Variants in KCNMB4 observed in about 807,000 individuals in gnomAD.
KCNMB4 encodes the protein potassium calcium-activated channel subfamily M regulatory beta subunit 4.
A neutral mutation model predicts 20.7 loss-of-function variants in KCNMB4; 3 were observed. That is an observed-to-expected ratio of 0.14 (90% CI 0.07 to 0.37). The LOEUF is 0.37. Among genes scored for constraint, KCNMB4 ranks in the 10% least tolerant of loss-of-function variants. The pLI, the probability that KCNMB4 is intolerant of heterozygous loss-of-function variation, is 1.00. For synonymous variants in KCNMB4, 110 were observed against 113.4 expected, an observed-to-expected ratio of 0.97 and a Z score of 0.19; for missense variants, 168 against 265.9, an observed-to-expected ratio of 0.63 and a Z score of 2.56.
At chr12:70,411,350 C>G (rs1409120817) in intron 2 of KCNMB4, among the ~76,000 whole-genome samples, 2 of 152,018 alleles carry the variant, frequency 1.3e-5, no homozygotes, top group African/African-American at 4.8e-5. Flanking sequence ...ACTGAGTCAT[C>G]AAAAAAGGTT....
At chr12:70,423,376 T>G (rs1398193520) in intron 2 of KCNMB4, among the ~76,000 whole-genome samples, 3 of 152,220 alleles carry the variant, frequency 2.0e-5, no homozygotes, top group Non-Finnish European at 4.4e-5. Context: ...GTTTATAACA[T>G]TCATACATCT....
rs1593340884 is a variant in KCNMB4, at chr12:70,408,794, A to G, written c.464+8458A>G. Among the ~76,000 whole-genome samples the G allele has an allele frequency of 2.6e-5, 4 of 152,198 alleles. No homozygotes were observed. In the South Asian group the frequency reaches 8.3e-4, roughly 32 times the overall value. ...TGTTTTTACACTTTTTTATTCAGGTAAGTTCACAATTCTCCCTATATCATG... is the reference window on the plus strand; with the variant it reads ...TGTTTTTACACTTTTTTATTCAGGTGAGTTCACAATTCTCCCTATATCATG... On this transcript the variant is annotated intron_variant, in intron 2 of 2. Transcript: ENST00000258111.
At chr12:70,392,327 A>G (rs1868306504) in intron 1 of KCNMB4, among the ~76,000 whole-genome samples, 1 of 152,192 alleles carries the variant, frequency 6.6e-6, no homozygotes. Context: ...AGGAAATAAC[A>G]GATGCTGGAG....
At chr12:70,371,235 C>T (rs1466046385) in intron 1 of KCNMB4, among the ~76,000 whole-genome samples, 5 of 152,110 alleles carry the variant, frequency 3.3e-5, no homozygotes, top group South Asian at 2.1e-4. Flanking sequence ...ATAAAAGGCT[C>T]CTTCTAAGAA....
At chr12:70,411,391 G>A (rs190594094) in intron 2 of KCNMB4, among the ~76,000 whole-genome samples, 2 of 152,192 alleles carry the variant, frequency 1.3e-5, no homozygotes, top group East Asian at 3.9e-4. Flanking sequence ...TCCTTAAAAG[G>A]CAAAGAAATG....
chr12:70,427,371 AACTG>A (rs1207014177), intron 2 of KCNMB4, among the ~76,000 whole-genome samples: 7 of 152,218 alleles, frequency 4.6e-5, no homozygotes, highest in Non-Finnish European at 1.0e-4. Context: ...TAAATCAAAA[AACTG>A]AATGATAAGC....
intron 1 of KCNMB4, among the ~76,000 whole-genome samples, chr12:70,395,764 C>T (rs1868345722): frequency 6.6e-6 from 1 of 152,064 alleles, no homozygotes; most frequent in South Asian, 2.1e-4. Flanking sequence ...TTATTTCATC[C>T]AAGTTCAGGC....
intron 1 of KCNMB4, among the ~76,000 whole-genome samples, chr12:70,374,838 CTA>C (rs1179745402): frequency 6.6e-6 from 1 of 151,586 alleles, no homozygotes; most frequent in Non-Finnish European, 1.5e-5. Context: ...TTTAATCTAA[CTA>C]TATTGCAGCA....
At chr12:70,398,486 G>A (rs1002777379) in intron 1 of KCNMB4, among the ~76,000 whole-genome samples, 5 of 151,972 alleles carry the variant, frequency 3.3e-5, no homozygotes, top group East Asian at 1.9e-4. Flanking sequence ...TTTTAGCTTC[G>A]TATTATTGTT....
chr12:70,389,854 C>A lies in KCNMB4; in HGVS notation c.337-10355C>A, dbSNP rs187766514. ...TGCCTTCCTCTTTCTTAATTTATTT[C>A]TTTGTTTTGTTGGAGTACATCCTCA... On this transcript the variant is annotated intron_variant, in intron 1 of 2. Coordinates refer to ENST00000258111, the MANE Select transcript of KCNMB4 (RefSeq NM_014505.6). Among the ~76,000 whole-genome samples, 126 of 152,186 alleles carry A rather than the reference C, an allele frequency of 8.3e-4. 1 individual carries two copies. The highest frequency in any genetic ancestry group is 1.2e-3 in the Non-Finnish European group (84 of 68,002).
chr12:70,421,470 GAAAAAAAA>G (rs61303899), intron 2 of KCNMB4, among the ~76,000 whole-genome samples: 18 of 75,672 alleles, frequency 2.4e-4, no homozygotes, highest in East Asian at 1.1e-3. Flanking sequence ...TCTCAAAAAA[GAAAAAAAA>G]AAAAAAAAAA....
chr12:70,385,207 T>C (rs1868248240), intron 1 of KCNMB4, among the ~76,000 whole-genome samples: 1 of 152,198 alleles, frequency 6.6e-6, no homozygotes, highest in African/African-American at 2.4e-5. Flanking sequence ...GTATCTGCCA[T>C]GTTACAGGCC....
intron 2 of KCNMB4, among the ~76,000 whole-genome samples, chr12:70,402,857 G>A (rs188928568): frequency 9.1e-4 from 138 of 152,204 alleles, no homozygotes; most frequent in Non-Finnish European, 1.6e-3. Flanking sequence ...GCCAGATGCA[G>A]CAGTGTCCAA....
Position 70,366,722 on chromosome 12 carries a change from A to G in KCNMB4, c.-13A>G, listed in dbSNP as rs777327993. On this transcript the variant is annotated 5_prime_UTR_variant, in exon 1 of 3. Coordinates refer to ENST00000258111, the MANE Select transcript of KCNMB4 (RefSeq NM_014505.6). ...GGCGGGGGGAGCACGCCAGCCGCCG[A>G]GAGTGGGGGGCGATGGCGAAGCTCC... is the stretch of plus-strand genomic sequence containing the variant. 1.7e-5 allele frequency: 26 copies of G among 1,512,046 alleles called. No homozygotes were observed. The highest frequency in any genetic ancestry group is 1.8e-5 in the Admixed American group (1 of 54,910). 93.7% of individuals were successfully genotyped at this position (1,512,046 alleles called of 1,614,324 possible).
rs768730807 is a variant in KCNMB4, at chr12:70,373,207, C to G, written c.336+6137C>G. On this transcript the variant is annotated intron_variant, in intron 1 of 2. Transcript: ENST00000258111. ...ATGTCCACATCCTAACCCTCAAAAACTGTAAGTGTCTTATGTCACATAGCA... is the reference window on the plus strand; with the variant it reads ...ATGTCCACATCCTAACCCTCAAAAAGTGTAAGTGTCTTATGTCACATAGCA... 4.0e-4 allele frequency among the ~76,000 whole-genome samples: 61 copies of G among 152,094 alleles called. 1 individual carries two copies. Among genetic ancestry groups the G allele is most frequent in the Admixed American group, 3.3e-4 (5 of 15,272 alleles).
chr12:70,383,885 A>T (rs1474770097), intron 1 of KCNMB4, among the ~76,000 whole-genome samples: 1 of 152,216 alleles, frequency 6.6e-6, no homozygotes, highest in Non-Finnish European at 1.5e-5. Context: ...CCTGGCCAAC[A>T]TGGTGAAACC....
chr12:70,417,431 G>A (rs1868939996), intron 2 of KCNMB4, among the ~76,000 whole-genome samples: 1 of 152,190 alleles, frequency 6.6e-6, no homozygotes, highest in African/African-American at 2.4e-5. Flanking sequence ...TGAAGGAACA[G>A]GAACTGCTTG....
chr12:70,426,522 G>C (rs1164510759), intron 2 of KCNMB4, among the ~76,000 whole-genome samples: 2 of 152,104 alleles, frequency 1.3e-5, no homozygotes, highest in Non-Finnish European at 1.5e-5. Context: ...TAAATCAAGG[G>C]TTGAAAACCA....
chr12:70,429,389 G>A (rs138707359), intron 2 of KCNMB4, among the ~76,000 whole-genome samples: 60 of 152,216 alleles, frequency 3.9e-4, no homozygotes, highest in African/African-American at 1.3e-3. Flanking sequence ...AATTCCGGCC[G>A]GGTGCGGTGA....
Sources: allele counts gnomAD v4.1 joint callset (sites outside exome capture counted in the v4.1 genomes callset), GRCh38; gene constraint gnomAD v4.1.1; transcripts MANE v1.5; gene names NCBI Gene and HGNC (gene_info 2026-07-23, HGNC 2026-07-21).